Variants in WDR26 observed in about 807,000 individuals in gnomAD.
WDR26 encodes WD repeat-containing protein 26.
WDR26 carries 5 observed loss-of-function variants against 84.1 expected under a neutral mutation model. That is an observed-to-expected ratio of 0.06 (90% CI 0.03 to 0.13). The LOEUF (loss-of-function observed/expected upper bound fraction) is 0.13, where lower values mean the gene tolerates loss of function less well. Ranked by LOEUF, WDR26 falls within the 10% of genes least tolerant of loss-of-function variation. WDR26 has a pLI of 1.00. For synonymous variants in WDR26, 415 were observed against 389.6 expected (o/e 1.07, Z -0.77); for missense variants, 642 against 974.9 (o/e 0.66, Z 4.55).
At chr1:224,421,479 A>G (rs1674060141) in intron 4 of WDR26, among the ~76,000 whole-genome samples, 1 of 152,136 alleles carries the variant, frequency 6.6e-6, no homozygotes, top group Admixed American at 6.6e-5. Context: ...AATCCCAGCT[A>G]CTTGGGAGGC....
intron 7 of WDR26, among the ~76,000 whole-genome samples, chr1:224,409,599 C>T (rs1259507669): frequency 1.3e-5 from 2 of 152,150 alleles, no homozygotes; most frequent in African/African-American, 2.4e-5. Context: ...TGGCGACTCA[C>T]GCCAGTAATC....
chr1:224,410,908 T>C (rs1011042776), intron 7 of WDR26, among the ~76,000 whole-genome samples: 1 of 152,066 alleles, frequency 6.6e-6, no homozygotes, highest in African/African-American at 2.4e-5. Context: ...TCCAGGCTGC[T>C]CTTGAACTCC....
chr1:224,402,060 A>C (rs1673435649), intron 8 of WDR26: 1 of 152,202 alleles, frequency 6.6e-6, no homozygotes, highest in African/African-American at 2.4e-5. Context: ...GATCTGAGAG[A>C]TAATAGCTGC....
Position 224,388,641 on chromosome 1 carries a change from T to C in WDR26, c.*1194A>G, listed in dbSNP as rs1190500256. 1 of 152,626 alleles carries C rather than the reference T, an allele frequency of 6.6e-6. No homozygotes were observed. Among genetic ancestry groups the C allele is most frequent in the African/African-American group, 2.4e-5 (1 of 41,440 alleles). 9.5% of individuals were successfully genotyped at this position (152,626 alleles called of 1,614,324 possible). On this transcript the variant is annotated 3_prime_UTR_variant, in exon 14 of 14. Transcript: ENST00000414423. ...TATTCTTTAAATTTATGTATCCCTA[T>C]ATGTCAAAATATTAAGGGCAATTAA...
At position 224,411,482 on chromosome 1, in the gene WDR26, G is replaced by C. The variant is rs1572186326; in HGVS notation, c.1403C>G (p.Thr468Ser). Reference sequence around the variant, plus strand: ...ATCTTTTGATCCTGTTGCTAGTTTAGTGCCATCATTAGAGAATTTACAGAA... The same window carrying C: ...ATCTTTTGATCCTGTTGCTAGTTTACTGCCATCATTAGAGAATTTACAGAA... The change falls in exon 7 of 14, where the codon ACT becomes AGT. Residue 468 changes from threonine (T) to serine (S), a missense_variant. Around this residue, in one of 2 missense-constraint regions of WDR26, gnomAD observed 351 missense variants for 672.8 expected, o/e 0.52. Coordinates refer to ENST00000414423, the MANE Select transcript of WDR26 (RefSeq NM_001379403.1). The C allele has an allele frequency of 6.2e-7, 1 of 1,613,496 alleles. No homozygotes were observed. The highest frequency in any genetic ancestry group is 8.5e-7 in the Non-Finnish European group (1 of 1,179,790).
Position 224,398,606 on chromosome 1 carries a change from A to G in WDR26, c.1866-13T>C, listed in dbSNP as rs1257274677. ...ATCTTCTTGTACTCTGGAACCAGAAAATAATTTGTCAAAAACAACATATTA... is the reference window on the plus strand; with the variant it reads ...ATCTTCTTGTACTCTGGAACCAGAAGATAATTTGTCAAAAACAACATATTA... On this transcript the variant is annotated splice_polypyrimidine_tract_variant and intron_variant, in intron 10 of 13. Transcript: ENST00000414423. 1 of 1,584,106 alleles carries G rather than the reference A, an allele frequency of 6.3e-7. No individual in the cohort carries two copies. Among genetic ancestry groups the G allele is most frequent in the Non-Finnish European group, 8.6e-7 (1 of 1,166,246 alleles).
At chr1:224,408,845 C>T (rs545806852) in intron 7 of WDR26, among the ~76,000 whole-genome samples, 3 of 151,954 alleles carry the variant, frequency 2.0e-5, no homozygotes, top group Non-Finnish European at 2.9e-5. Context: ...TTCATTTAAA[C>T]GGTACATTTT....
Position 224,418,943 on chromosome 1 carries a change from T to C in WDR26, c.1163-527A>G, listed in dbSNP as rs542596203. On this transcript the variant is annotated intron_variant, in intron 5 of 13. Transcript: ENST00000414423. The stretch of plus-strand genomic sequence containing the variant: ...GGAGTAACTGGTGTTTTGATATCCA[T>C]ACCAACCTACTGCAATCCTTGAATC... 3.9e-5 allele frequency among the ~76,000 whole-genome samples: 6 copies of C among 152,322 alleles called. No homozygotes were observed. In the East Asian group the frequency reaches 7.7e-4, roughly 20 times the overall value.
chr1:224,418,116 T>C, intron 6 of WDR26, 144 bp downstream of exon 6: 1 of 622,324 alleles, frequency 1.6e-6, no homozygotes, highest in Non-Finnish European at 2.4e-6. Context: ...TAATTTTCAA[T>C]TTTCATAGTT....
chr1:224,434,198 C>G lies in WDR26; in HGVS notation c.208G>C (p.Val70Leu). 2 of 1,410,996 alleles carry G rather than the reference C, an allele frequency of 1.4e-6. No homozygotes were observed. Among genetic ancestry groups the G allele is most frequent in the Non-Finnish European group, 1.8e-6 (2 of 1,089,340 alleles). 87.4% of individuals were successfully genotyped at this position (1,410,996 alleles called of 1,614,324 possible). Reference sequence around the variant, plus strand: ...GCAGCCGGGGGAAGTCCCACCACTACCACCACGGAGGAGGAGGAGGAGGAG... The same window carrying G: ...GCAGCCGGGGGAAGTCCCACCACTAGCACCACGGAGGAGGAGGAGGAGGAG... The change falls in exon 1 of 14, where the codon GTA (valine) becomes CTA (leucine). Residue 70 changes from valine to leucine, a missense_variant. Physicochemically the swap from Val to Leu is conservative, Grantham distance 32 (BLOSUM62 1). Transcript: ENST00000414423.
chr1:224,391,499 T>C (rs1673127330), intron 13 of WDR26, among the ~76,000 whole-genome samples: 1 of 152,158 alleles, frequency 6.6e-6, no homozygotes. Context: ...TTTAAATGAC[T>C]TATAGTATTT....
rs186036066 is a variant in WDR26, at chr1:224,396,641, C to T, written c.2074+1456G>A. 2.0e-5 allele frequency among the ~76,000 whole-genome samples: 3 copies of T among 152,284 alleles called. No individual in the cohort carries two copies. The East Asian group carries it at 5.8e-4, about 29-fold the overall frequency. On this transcript the variant is annotated intron_variant, in intron 12 of 13. Transcript: ENST00000414423. ...TCTTTCCTCCCAATCTCATCTGACGCTGATTTTCGGTAGAAAGAAAGAATT... is the reference window on the plus strand; with the variant it reads ...TCTTTCCTCCCAATCTCATCTGACGTTGATTTTCGGTAGAAAGAAAGAATT...
chr1:224,399,263 T>C (rs1417991084), intron 9 of WDR26, among the ~76,000 whole-genome samples: 1 of 152,120 alleles, frequency 6.6e-6, no homozygotes, highest in Admixed American at 6.5e-5. Context: ...ACTTTGTAGC[T>C]CTATCTTCCC....
In WDR26 at chr1:224,415,449, CTTTCTTTTTTTTTT is replaced by C. The variant is rs1439224020; in HGVS notation, c.1319+2797_1319+2810del. On this transcript the variant is annotated intron_variant, in intron 6 of 13. Transcript: ENST00000414423. Reference sequence around the variant, plus strand: ...AGAAACAATTCTGGAACACGTATTTCTTTCTTTTTTTTTTTTTTTTTTTTTTTTTGAGACGGAGT... The same window carrying C: ...AGAAACAATTCTGGAACACGTATTTCTTTTTTTTTTTTTTTGAGACGGAGT... Among the ~76,000 whole-genome samples, 2 of 102,722 alleles carry C rather than the reference CTTTCTTTTTTTTTT, an allele frequency of 1.9e-5. 1 individual carries two copies. Among genetic ancestry groups the C allele is most frequent in the African/African-American group, 8.8e-5 (2 of 22,782 alleles). 67.4% of individuals were successfully genotyped at this position (102,722 alleles called of 152,430 possible).
intron 1 of WDR26, 98 bp downstream of exon 1, chr1:224,433,586 C>G: frequency 8.1e-7 from 1 of 1,235,834 alleles, no homozygotes; most frequent in South Asian, 1.6e-5. Context: ...TGACCGAGCT[C>G]TTTCAAGCCC....
chr1:224,399,001 C>T lies in WDR26; in HGVS notation c.1753G>A (p.Gly585Arg). ...CACCAAAGGCATTGCACTCTTACCCCTTCCCAGGAGTCAAGGAGATTACCA... is the reference window on the plus strand; with the variant it reads ...CACCAAAGGCATTGCACTCTTACCCTTTCCCAGGAGTCAAGGAGATTACCA... Residue 585 changes from glycine (G) to arginine (R), a missense_variant, in exon 10 of 14, where the codon GGG becomes AGG. Physicochemically the swap from Gly to Arg is moderately radical, Grantham distance 125 (BLOSUM62 -2). Around this residue, in one of 2 missense-constraint regions of WDR26, gnomAD observed 351 missense variants for 672.8 expected, o/e 0.52. Transcript: ENST00000414423. 6.3e-7 allele frequency: 1 copy of T among 1,587,770 alleles called. No individual in the cohort carries two copies. The highest frequency in any genetic ancestry group is 8.5e-7 in the Non-Finnish European group (1 of 1,171,580).
At chr1:224,409,807 G>A (rs1206437939) in intron 7 of WDR26, among the ~76,000 whole-genome samples, 1 of 151,490 alleles carries the variant, frequency 6.6e-6, no homozygotes, top group Non-Finnish European at 1.5e-5. Context: ...AGGTTGCAGT[G>A]AGCCAAGATT....
At chr1:224,407,893 C>T (rs970830152) in intron 7 of WDR26, among the ~76,000 whole-genome samples, 2 of 152,108 alleles carry the variant, frequency 1.3e-5, no homozygotes, top group African/African-American at 4.8e-5. Context: ...ACCAAACAGT[C>T]CCAGAGGACT....
intron 4 of WDR26, among the ~76,000 whole-genome samples, chr1:224,424,284 C>G (rs1255646304): frequency 6.6e-6 from 1 of 152,152 alleles, no homozygotes; most frequent in African/African-American, 2.4e-5. Flanking sequence ...TCTAAAATAG[C>G]ATTTCACAGG....
Sources: allele counts gnomAD v4.1 joint callset (sites outside exome capture counted in the v4.1 genomes callset), GRCh38; gene constraint gnomAD v4.1.1; regional missense constraint gnomAD v4.1.1; transcripts MANE v1.5; gene names NCBI Gene and HGNC (gene_info 2026-07-23, HGNC 2026-07-21).